The following ADRA1B variants were observed in gnomAD, a reference collection of about 807,000 sequenced individuals.
ADRA1B encodes the protein adrenoceptor alpha 1B.
In ADRA1B, 17 loss-of-function variants were observed where a neutral mutation model predicts 17.9. That is an observed-to-expected ratio of 0.95 (90% CI 0.65 to 1.42). The LOEUF is 1.42. Among genes scored for constraint, ADRA1B ranks in the 40% most tolerant of loss-of-function variants. ADRA1B has a pLI of 0.00. For synonymous variants in ADRA1B, 366 were observed against 327.6 expected (o/e 1.12, Z -1.27); for missense variants, 681 against 722.1 (o/e 0.94, Z 0.65).
chr5:159,959,378 T>C (rs62377699), intron 1 of ADRA1B, among the ~76,000 whole-genome samples: 3,298 of 152,356 alleles, frequency 0.022, 75 homozygotes, highest in East Asian at 0.13. Flanking sequence ...GAAAAGGACG[T>C]TATGTGCTCA....
At chr5:159,944,678 CT>C (rs986045242) in intron 1 of ADRA1B, among the ~76,000 whole-genome samples, 2 of 152,066 alleles carry the variant, frequency 1.3e-5, no homozygotes, top group African/African-American at 4.8e-5. Flanking sequence ...TATATGTTAC[CT>C]CCTTCAATCT....
At chr5:159,952,955 A>C (rs934251027) in intron 1 of ADRA1B, among the ~76,000 whole-genome samples, 1 of 152,138 alleles carries the variant, frequency 6.6e-6, no homozygotes, top group East Asian at 1.9e-4. Context: ...TCTGAAACAC[A>C]CTTGCCCTGT....
chr5:159,920,857 G>T (rs752867654), intron 1 of ADRA1B, among the ~76,000 whole-genome samples: 1 of 152,126 alleles, frequency 6.6e-6, no homozygotes, highest in African/African-American at 2.4e-5. Flanking sequence ...TAAATTTTCC[G>T]TGAAAACTTT....
intron 1 of ADRA1B, among the ~76,000 whole-genome samples, chr5:159,899,348 G>A (rs1754076822): frequency 6.8e-6 from 1 of 146,346 alleles, no homozygotes; most frequent in Non-Finnish European, 1.5e-5. Flanking sequence ...GAAGAACTGG[G>A]TTGAGATATC....
chr5:159,938,842 C>T (rs565567597), intron 1 of ADRA1B, among the ~76,000 whole-genome samples: 5 of 152,174 alleles, frequency 3.3e-5, no homozygotes, highest in Admixed American at 6.5e-5. Context: ...AAGTCCTCAG[C>T]GATGCCTAGA....
At chr5:159,958,080 A>T (rs1183206354) in intron 1 of ADRA1B, among the ~76,000 whole-genome samples, 2 of 152,084 alleles carry the variant, frequency 1.3e-5, no homozygotes, top group African/African-American at 4.8e-5. Flanking sequence ...AAATTCATCA[A>T]TACATTTATT....
chr5:159,932,498 A>G lies in ADRA1B; in HGVS notation c.949+14644A>G, dbSNP rs78797233. ...ATGCTGCACTGAATTCCATAATAGAAGGTATCGTAATATACTTAACCAATC... is the reference window on the plus strand; with the variant it reads ...ATGCTGCACTGAATTCCATAATAGAGGGTATCGTAATATACTTAACCAATC... On this transcript the variant is annotated intron_variant, in intron 1 of 1. Transcript: ENST00000306675. Among the ~76,000 whole-genome samples, 104 of 152,300 alleles carry G rather than the reference A, an allele frequency of 6.8e-4. 1 individual carries two copies. In the East Asian group the frequency reaches 0.019, roughly 28 times the overall value.
chr5:159,939,342 A>G (rs952588230), intron 1 of ADRA1B, among the ~76,000 whole-genome samples: 2 of 135,774 alleles, frequency 1.5e-5, no homozygotes, highest in Admixed American at 7.8e-5. Flanking sequence ...CGCGCACACA[A>G]TGCACTGAGG....
chr5:159,944,822 C>T (rs1755224502), intron 1 of ADRA1B, among the ~76,000 whole-genome samples: 1 of 152,120 alleles, frequency 6.6e-6, no homozygotes, highest in Admixed American at 6.5e-5. Flanking sequence ...TATTAAGTAC[C>T]TTCCCTGTCT....
chr5:159,925,186 G>A (rs1259409504), intron 1 of ADRA1B, among the ~76,000 whole-genome samples: 1 of 152,182 alleles, frequency 6.6e-6, no homozygotes, highest in Non-Finnish European at 1.5e-5. Context: ...GAAGGAAACT[G>A]GGGAAGCCAG....
the ADRA1B span, among the ~76,000 whole-genome samples, chr5:159,985,246 A>T: frequency 6.6e-6 from 1 of 152,084 alleles, no homozygotes; most frequent in Admixed American, 6.5e-5. Flanking sequence ...ATCATCTGTC[A>T]CTCTGCAGCT....
intron 1 of ADRA1B, among the ~76,000 whole-genome samples, chr5:159,920,746 G>A (rs891537413): frequency 2.6e-5 from 4 of 152,170 alleles, no homozygotes; most frequent in African/African-American, 9.7e-5. Context: ...GCAAAATAGA[G>A]ATGTGAGTTT....
In ADRA1B at chr5:159,972,414, C is replaced by T; in HGVS notation, c.1485C>T (p.Gly495=). The change falls in exon 2 of 2, where the codon GGC becomes GGT. Residue 495 remains glycine (G), a synonymous_variant. Coordinates refer to ENST00000306675, the MANE Select transcript of ADRA1B (RefSeq NM_000679.4). ...CCGACGGCGGCGCCAGCAACGGAGG[C>T]TGCGAGGCCGCGGCCGACGTGGCCA... is the stretch of plus-strand genomic sequence containing the variant. ...PGTDGGASNG[G]CEAAADVANG... is the part of the protein sequence containing the mutation. The T allele has an allele frequency of 6.6e-7, 1 of 1,508,678 alleles. No homozygotes were observed. The allele number at this position is 1,508,678 out of a possible 1,614,324, so 93.5% of individuals were successfully genotyped here.
intron 1 of ADRA1B, among the ~76,000 whole-genome samples, chr5:159,865,440 C>A (rs376772048): frequency 2.0e-5 from 3 of 151,940 alleles, no homozygotes; most frequent in Non-Finnish European, 4.4e-5. Flanking sequence ...TGGGTGAAAC[C>A]GAAAAGAAAA....
At chr5:159,888,030 C>T (rs950313681) in intron 1 of ADRA1B, 9 of 152,152 alleles carry the variant, frequency 5.9e-5, no homozygotes, top group Admixed American at 2.0e-4. Context: ...CTGATTGAAC[C>T]CATTTATTTT....
At chr5:159,912,442 A>G (rs976341136), upstream of ADRA1B, among the ~76,000 whole-genome samples, 1 of 152,228 alleles carries the variant, frequency 6.6e-6, no homozygotes, top group African/African-American at 2.4e-5. Flanking sequence ...AAGGCAAGGA[A>G]GACTAACCTA....
chr5:159,938,293 TA>T (rs1755011638), intron 1 of ADRA1B, among the ~76,000 whole-genome samples: 2 of 152,206 alleles, frequency 1.3e-5, no homozygotes, highest in African/African-American at 4.8e-5. Context: ...TGTTAATTCA[TA>T]ATAATGGTTT....
chr5:159,916,167 G>GC (rs146685362), upstream of ADRA1B: 5,263 of 152,362 alleles, frequency 0.035, 133 homozygotes, highest in South Asian at 0.063. Context: ...CACTCCGGGA[G>GC]CCCCCTATTA....
chr5:159,877,334 C>T (rs1047829160), intron 1 of ADRA1B, among the ~76,000 whole-genome samples: 1 of 152,180 alleles, frequency 6.6e-6, no homozygotes, highest in Non-Finnish European at 1.5e-5. Context: ...AAGCCTCTTC[C>T]CTCCCACTGC....
Sources: gnomAD v4.1 joint callset for allele counts (sites outside exome capture counted in the v4.1 genomes callset) on GRCh38, gnomAD v4.1.1 for gene constraint, MANE v1.5 for transcripts, NCBI Gene and HGNC (gene_info 2026-07-23, HGNC 2026-07-21) for gene names.